The following KCNQ1OT1 variants were observed in gnomAD, a reference collection of about 807,000 sequenced individuals.
The protein encoded by KCNQ1OT1 is KCNQ1 antisense RNA 2 (non-protein coding).
chr11:2,614,529 C>T, exon 1 of KCNQ1OT1: 2 of 398,242 alleles, frequency 5.0e-6, no homozygotes, highest in Non-Finnish European at 8.9e-6. Flanking sequence ...ATTTTTTGGT[C>T]TCTGATACAT....
exon 1 of KCNQ1OT1, chr11:2,632,986 A>T (rs182985429): frequency 3.8e-5 from 15 of 398,476 alleles, no homozygotes; most frequent in Non-Finnish European, 6.2e-5. Context: ...TTTTTGACAA[A>T]ACACCACAGT....
chr11:2,698,218 C>T lies in KCNQ1OT1; in HGVS notation n.1777G>A. 2 of 398,616 alleles carry T rather than the reference C, an allele frequency of 5.0e-6. No homozygotes were observed. Among genetic ancestry groups the T allele is most frequent in the Admixed American group, 4.4e-5 (1 of 22,736 alleles). 24.7% of individuals were successfully genotyped at this position (398,616 alleles called of 1,614,324 possible). A position where few individuals can be genotyped will look rare whatever the true frequency, so the allele number is the denominator to read the frequency against. On this transcript the variant is annotated non_coding_transcript_exon_variant, in exon 1 of 1. Transcript: ENST00000597346. This position sits in a 1 kb window ranked among gnomAD's most constrained non-coding sequence, Gnocchi z 5.1. ...AGTAAAGAAAGAACTGGTAAATGCA[C>T]ATCAAATGTGGATATTATCAGGAAA...
exon 1 of KCNQ1OT1, chr11:2,648,182 G>A: frequency 3.0e-6 from 1 of 338,794 alleles, no homozygotes; most frequent in Non-Finnish European, 5.2e-6. Context: ...TCTAGCCTGG[G>A]TGACAGAGTG....
chr11:2,616,599 T>A (rs1054800045), exon 1 of KCNQ1OT1: 1 of 398,182 alleles, frequency 2.5e-6, no homozygotes, highest in Non-Finnish European at 4.4e-6. Flanking sequence ...CATTTTCACT[T>A]TTTGAAAGTA....
exon 1 of KCNQ1OT1, chr11:2,686,939 G>A (rs1850499833): frequency 2.5e-6 from 1 of 398,666 alleles, no homozygotes. Context: ...CCGTGATGCG[G>A]AGCATGCCCA....
At chr11:2,644,081 C>T (rs1849625607) in exon 1 of KCNQ1OT1, 1 of 398,380 alleles carries the variant, frequency 2.5e-6, no homozygotes, top group Admixed American at 4.4e-5. Context: ...TGGAAAAGAC[C>T]TTTCTGAATT....
chr11:2,660,726 A>G (rs1337282269), exon 1 of KCNQ1OT1: 1 of 398,512 alleles, frequency 2.5e-6, no homozygotes, highest in South Asian at 1.3e-4. Context: ...TTCATTCAAC[A>G]CTTCATTCAG....
At chr11:2,616,417 T>G in exon 1 of KCNQ1OT1, 1 of 398,050 alleles carries the variant, frequency 2.5e-6, no homozygotes, top group East Asian at 3.6e-5. Context: ...TACATATTAT[T>G]TCATTCTCTC....
rs1850004121 is a variant in KCNQ1OT1 at position 2,663,326 on chromosome 11, C to A, written n.36669G>T. Reference sequence around the variant, plus strand: ...TCCTGGCTGGGTAAAAAGGCAGGAGCAGAGGTGTGAGCAGGCTGGTAGCCA... The same window carrying A: ...TCCTGGCTGGGTAAAAAGGCAGGAGAAGAGGTGTGAGCAGGCTGGTAGCCA... On this transcript the variant is annotated non_coding_transcript_exon_variant, in exon 1 of 1. Transcript: ENST00000597346. The surrounding 1 kb of genome is among the most constrained non-coding windows in gnomAD (Gnocchi z 5.2). The A allele has an allele frequency of 2.5e-6, 1 of 398,792 alleles. No homozygotes were observed. Among genetic ancestry groups the A allele is most frequent in the Non-Finnish European group, 4.4e-6 (1 of 226,258 alleles). 24.7% of individuals were successfully genotyped at this position (398,792 alleles called of 1,614,324 possible).
chr11:2,648,981 CTTTTT>C, exon 1 of KCNQ1OT1: 1,591 of 296,856 alleles, frequency 5.4e-3, no homozygotes, highest in South Asian at 6.2e-3. Context: ...TTTTCTTTTT[CTTTTT>C]TTTTTTTTTT....
exon 1 of KCNQ1OT1, chr11:2,615,971 G>C (rs989324015): frequency 4.0e-5 from 16 of 398,008 alleles, no homozygotes; most frequent in Admixed American, 8.8e-5. Flanking sequence ...TAATTCAACA[G>C]TGACGCCATC....
chr11:2,610,448 C>T (rs1848961610), exon 1 of KCNQ1OT1: 1 of 398,156 alleles, frequency 2.5e-6, no homozygotes, highest in Non-Finnish European at 4.4e-6. Flanking sequence ...ATATTTGATC[C>T]ACTTTTTTGG....
exon 1 of KCNQ1OT1, chr11:2,635,756 T>G (rs1185389083): frequency 6.6e-6 from 1 of 152,108 alleles, no homozygotes; most frequent in East Asian, 1.9e-4. Flanking sequence ...GGCATTGAAT[T>G]TATAAATTAC....
chr11:2,687,916 A>T lies in KCNQ1OT1; in HGVS notation n.12079T>A. ...CCTGGTGGGATGGAAAATCCCCAGC[A>T]GTTGTGAGGCTGCACTTCTCCCACC... On this transcript the variant is annotated non_coding_transcript_exon_variant, in exon 1 of 1. Transcript: ENST00000597346. The surrounding 1 kb of genome is among the most constrained non-coding windows in gnomAD (Gnocchi z 5.0). 2.5e-6 allele frequency: 1 copy of T among 398,748 alleles called. No individual in the cohort carries two copies. Among genetic ancestry groups the T allele is most frequent in the Non-Finnish European group, 4.4e-6 (1 of 226,148 alleles). The allele number at this position is 398,748 out of a possible 1,614,324, so 24.7% of individuals were successfully genotyped here.
Position 2,691,167 on chromosome 11 carries a change from T to C in KCNQ1OT1, n.8828A>G, listed in dbSNP as rs984995985. ...TGCTGGCCTCTGGCCTCTCACAGCC[T>C]TGGGAGGGGTGCTCAGAGCTCAGCT... On this transcript the variant is annotated non_coding_transcript_exon_variant, in exon 1 of 1. Transcript: ENST00000597346. This position sits in a 1 kb window ranked among gnomAD's most constrained non-coding sequence, Gnocchi z 6.4. 1 of 398,632 alleles carries C rather than the reference T, an allele frequency of 2.5e-6. No homozygotes were observed. The allele number at this position is 398,632 out of a possible 1,614,324, so 24.7% of individuals were successfully genotyped here. A position where few individuals can be genotyped will look rare whatever the true frequency, so the allele number is the denominator to read the frequency against.
chr11:2,656,627 T>A (rs1321478926), exon 1 of KCNQ1OT1: 1 of 398,650 alleles, frequency 2.5e-6, no homozygotes, highest in Non-Finnish European at 4.4e-6. Flanking sequence ...ATTAAGTCAT[T>A]TATATTTTTC....
Position 2,668,171 on chromosome 11 carries a change from T to A in KCNQ1OT1, n.31824A>T, listed in dbSNP as rs548287020. On this transcript the variant is annotated non_coding_transcript_exon_variant, in exon 1 of 1. Transcript: ENST00000597346. This position sits in a 1 kb window ranked among gnomAD's most constrained non-coding sequence, Gnocchi z 4.3. ...GAGAGTGCTCCCTCATGCTCCTTGC[T>A]GACTGGTGCTCCATTGTGTGCATGG... is the stretch of plus-strand genomic sequence containing the variant. 1.0e-5 allele frequency: 4 copies of A among 398,684 alleles called. No homozygotes were observed. In the South Asian group the frequency reaches 3.8e-4, roughly 38 times the overall value. The allele number at this position is 398,684 out of a possible 1,614,324, so 24.7% of individuals were successfully genotyped here.
In KCNQ1OT1 at chr11:2,642,468, G is replaced by C. The variant is rs1849594450; in HGVS notation, n.57527C>G. The C allele has an allele frequency of 2.5e-6, 1 of 397,932 alleles. No homozygotes were observed. Among genetic ancestry groups the C allele is most frequent in the Non-Finnish European group, 4.4e-6 (1 of 225,708 alleles). 24.7% of individuals were successfully genotyped at this position (397,932 alleles called of 1,614,324 possible). A position where few individuals can be genotyped will look rare whatever the true frequency, so the allele number is the denominator to read the frequency against. Reference sequence around the variant, plus strand: ...ATCCTGTAACTGTAATCAATTTATTGATCAGACTGAAGAGTTTTGATTTTT... The same window carrying C: ...ATCCTGTAACTGTAATCAATTTATTCATCAGACTGAAGAGTTTTGATTTTT... On this transcript the variant is annotated non_coding_transcript_exon_variant, in exon 1 of 1. Coordinates refer to ENST00000597346, the Ensembl canonical transcript of KCNQ1OT1. This position sits in a 1 kb window ranked among gnomAD's most constrained non-coding sequence, Gnocchi z 4.3.
chr11:2,675,896 A>G, exon 1 of KCNQ1OT1: 1 of 398,690 alleles, frequency 2.5e-6, no homozygotes, highest in Non-Finnish European at 4.4e-6. Context: ...TATGTATTCA[A>G]GGGTTGTGCT....
Sources: allele counts gnomAD v4.1 joint callset, GRCh38; gene constraint gnomAD v4.1.1; non-coding constraint Gnocchi (gnomAD v3.1); transcripts MANE v1.5; gene names NCBI Gene and HGNC (gene_info 2026-07-23, HGNC 2026-07-21).